CRYBG1: variants seen among roughly 807,000 people sequenced by gnomAD.
CRYBG1 encodes the protein crystallin beta-gamma domain containing 1.
Under a neutral mutation model 189.2 loss-of-function variants are expected in CRYBG1, and 139 were observed. The observed-to-expected ratio is 0.73, with a 90% CI of 0.64 to 0.85. The LOEUF (loss-of-function observed/expected upper bound fraction) is 0.85. Ranked by LOEUF, CRYBG1 falls within the 40% of genes least tolerant of loss-of-function variation. CRYBG1 has a pLI of 0.00. For synonymous variants in CRYBG1, 1,023 were observed against 1,017.1 expected (o/e 1.01, Z -0.11); for missense variants, 2,611 against 2,675.8 (o/e 0.98, Z 0.53).
intron 1 of CRYBG1, among the ~76,000 whole-genome samples, chr6:106,393,593 G>C (rs1270390066): frequency 1.3e-5 from 2 of 151,940 alleles, no homozygotes; most frequent in Non-Finnish European, 2.9e-5. Context: ...CAGTTTTAAA[G>C]ATGTATGATT....
intron 7 of CRYBG1, among the ~76,000 whole-genome samples, chr6:106,528,696 C>T (rs941432004): frequency 6.6e-6 from 1 of 152,104 alleles, no homozygotes; most frequent in Non-Finnish European, 1.5e-5. Context: ...GGAAGGGAAA[C>T]GAGATCTCTT....
chr6:106,522,047 T>C (rs915324779), intron 4 of CRYBG1, among the ~76,000 whole-genome samples: 8 of 152,204 alleles, frequency 5.3e-5, no homozygotes, highest in Non-Finnish European at 1.2e-4. Context: ...ATAAATCTTT[T>C]AAGGCACATG....
chr6:106,447,717 TGTA>T (rs768792232), intron 1 of CRYBG1, among the ~76,000 whole-genome samples: 3 of 152,154 alleles, frequency 2.0e-5, no homozygotes, highest in Admixed American at 6.5e-5. Context: ...CTTATCTATG[TGTA>T]GTTCCAGAGG....
intron 1 of CRYBG1, among the ~76,000 whole-genome samples, chr6:106,427,096 G>A (rs1364210092): frequency 6.6e-6 from 1 of 151,978 alleles, no homozygotes; most frequent in African/African-American, 2.4e-5. Context: ...AAATGTGGAA[G>A]GGCCTCAGGG....
intron 2 of CRYBG1, among the ~76,000 whole-genome samples, chr6:106,508,846 G>T (rs963112064): frequency 2.0e-5 from 3 of 152,140 alleles, no homozygotes; most frequent in Middle Eastern, 3.4e-3. Flanking sequence ...CCCCTCTGAG[G>T]GGGGGAGGAG....
intron 1 of CRYBG1, among the ~76,000 whole-genome samples, chr6:106,381,848 C>T (rs979170950): frequency 6.6e-6 from 1 of 152,154 alleles, no homozygotes; most frequent in Admixed American, 6.5e-5. Flanking sequence ...TCCAGTTGTC[C>T]CAGGCTATAT....
chr6:106,519,572 T>C lies in CRYBG1; in HGVS notation c.2364T>C (p.Asp788=), dbSNP rs769474253. The C allele has an allele frequency of 3.7e-6, 6 of 1,614,208 alleles. No homozygotes were observed. In the East Asian group the frequency reaches 1.1e-4, roughly 30 times the overall value. ...GPQPNQDDKA[D]VQTDAGCLSE... is the part of the protein sequence containing the mutation. ...AGCCTAACCAAGATGATAAAGCAGA[T>C]GTACAAACAGATGCTGGCTGCCTTT... is the stretch of plus-strand genomic sequence containing the variant. The change falls in exon 4 of 22, where the codon GAT becomes GAC. Residue 788 remains aspartate, a synonymous_variant. Coordinates refer to ENST00000633556, the MANE Select transcript of CRYBG1 (RefSeq NM_001371242.2).
intron 19 of CRYBG1, 99 bp downstream of exon 19, chr6:106,561,025 A>G: frequency 7.5e-7 from 1 of 1,324,726 alleles, no homozygotes; most frequent in South Asian, 1.5e-5. Flanking sequence ...CAAAGTTTAT[A>G]ACTGGCCTCA....
chr6:106,570,077 G>C lies in CRYBG1; in HGVS notation c.*1511G>C, dbSNP rs577283393. On this transcript the variant is annotated 3_prime_UTR_variant, in exon 22 of 22. Transcript: ENST00000633556. ...GCTGCTCTTCCAACAGTGGGTTCTAGCTTTGAACAAAAGTGCTAAACATTT... is the reference window on the plus strand; with the variant it reads ...GCTGCTCTTCCAACAGTGGGTTCTACCTTTGAACAAAAGTGCTAAACATTT... The C allele has an allele frequency of 1.3e-5, 2 of 152,302 alleles. No homozygotes were observed. Among genetic ancestry groups the C allele is most frequent in the South Asian group, 2.1e-4 (1 of 4,826 alleles). 9.4% of individuals were successfully genotyped at this position (152,302 alleles called of 1,614,324 possible). A position where few individuals can be genotyped will look rare whatever the true frequency, so the allele number is the denominator to read the frequency against.
At chr6:106,530,774 G>C (rs1773860827) in intron 8 of CRYBG1, among the ~76,000 whole-genome samples, 1 of 152,152 alleles carries the variant, frequency 6.6e-6, no homozygotes, top group East Asian at 1.9e-4. Context: ...GAAACAGCAA[G>C]AATATTTTGA....
At chr6:106,561,270 T>C in intron 19 of CRYBG1, 72 bp from the exon 20 acceptor site, 2 of 1,498,664 alleles carry the variant, frequency 1.3e-6, no homozygotes, top group Non-Finnish European at 9.1e-7. Flanking sequence ...GGATTCTTCC[T>C]GATATTCATG....
chr6:106,555,691 C>T (rs1774519921), intron 16 of CRYBG1, 77 bp from the exon 17 acceptor site: 2 of 1,524,654 alleles, frequency 1.3e-6, no homozygotes, highest in African/African-American at 1.4e-5. Flanking sequence ...AGCAGGCCAC[C>T]TCTAAAAATC....
chr6:106,402,296 A>G (rs1384959078), intron 1 of CRYBG1, among the ~76,000 whole-genome samples: 1 of 81,980 alleles, frequency 1.2e-5, no homozygotes, highest in African/African-American at 5.2e-5. Flanking sequence ...GGAAAAAACT[A>G]CTTTAAAGTT....
intron 1 of CRYBG1, among the ~76,000 whole-genome samples, chr6:106,448,308 G>A (rs1010442199): frequency 1.3e-5 from 2 of 152,186 alleles, no homozygotes; most frequent in Non-Finnish European, 2.9e-5. Context: ...GGGAAGCAGA[G>A]GTTATTGGGT....
At position 106,429,284 on chromosome 6, in the gene CRYBG1, T is replaced by C. The variant is rs867280600; in HGVS notation, c.174-22410T>C. 3.4e-4 allele frequency among the ~76,000 whole-genome samples: 52 copies of C among 152,296 alleles called. 1 individual carries two copies. In the Middle Eastern group the frequency reaches 0.014, roughly 40 times the overall value. ...ATCTGGATAAATCATTGGAATGAGA[T>C]GGTTGTGCCTCAGTTCTTCCTTTTA... On this transcript the variant is annotated intron_variant, in intron 1 of 21. Transcript: ENST00000633556.
At chr6:106,371,221 A>C (rs1455382658) in intron 1 of CRYBG1, among the ~76,000 whole-genome samples, 2 of 152,232 alleles carry the variant, frequency 1.3e-5, no homozygotes, top group Non-Finnish European at 2.9e-5. Context: ...TGTTTTCATA[A>C]TACTGATGGA....
chr6:106,463,247 A>T (rs1772049734), intron 2 of CRYBG1, among the ~76,000 whole-genome samples: 1 of 151,990 alleles, frequency 6.6e-6, no homozygotes, highest in Non-Finnish European at 1.5e-5. Flanking sequence ...AAGAAAAAAA[A>T]AAAAACAACA....
chr6:106,487,145 T>C (rs1368473089), intron 2 of CRYBG1, among the ~76,000 whole-genome samples: 1 of 152,212 alleles, frequency 6.6e-6, no homozygotes, highest in Non-Finnish European at 1.5e-5. Flanking sequence ...TAATAGACTA[T>C]TTTAAGCTGT....
rs776143297 is a variant in CRYBG1, at chr6:106,491,202, G to T, written c.313-20228G>T. Among the ~76,000 whole-genome samples, 10 of 152,128 alleles carry T rather than the reference G, an allele frequency of 6.6e-5. No individual in the cohort carries two copies. In the South Asian group the frequency reaches 1.9e-3, roughly 28 times the overall value. On this transcript the variant is annotated intron_variant, in intron 2 of 21. Coordinates refer to ENST00000633556, the MANE Select transcript of CRYBG1 (RefSeq NM_001371242.2). ...TATTAATGAAGGTCTCAGTACAAAG[G>T]CTCCTCAGCATGAGCCACCTGTGTG...
Sources: allele counts gnomAD v4.1 joint callset (sites outside exome capture counted in the v4.1 genomes callset), GRCh38; gene constraint gnomAD v4.1.1; transcripts MANE v1.5; gene names NCBI Gene and HGNC (gene_info 2026-07-23, HGNC 2026-07-21).